Variants in GLI3 observed in about 807,000 individuals in gnomAD.
GLI3 encodes the protein transcription activator GLI3.
A neutral mutation model predicts 100.8 loss-of-function variants in GLI3; 20 were observed. The observed-to-expected ratio is 0.20, with a 90% confidence interval of 0.14 to 0.29. GLI3 has a LOEUF of 0.29. Ranked by LOEUF, GLI3 falls within the 10% of genes least tolerant of loss-of-function variation. The pLI is 1.00. For missense variants in GLI3, 2,040 were observed against 2,128.5 expected, an observed-to-expected ratio of 0.96 and a Z score of 0.82; for synonymous variants, 938 against 860.5, an observed-to-expected ratio of 1.09 and a Z score of -1.58.
rs1156419367 is a variant in GLI3, at chr7:41,962,860, T to G, written c.*1470A>C. ...ACAGAATACAGCAGGTAGCCTGAGG[T>G]GTTAATATTTTAACAGTTTATATAA... On this transcript the variant is annotated 3_prime_UTR_variant, in exon 15 of 15. Coordinates refer to ENST00000395925, the MANE Select transcript of GLI3 (RefSeq NM_000168.6). 3 of 152,200 alleles carry G rather than the reference T, an allele frequency of 2.0e-5. No homozygotes were observed. The highest frequency in any genetic ancestry group is 7.2e-5 in the African/African-American group (3 of 41,438). The allele number at this position is 152,200 out of a possible 1,614,324, so 9.4% of individuals were successfully genotyped here.
At chr7:42,177,812 G>A (rs1248970958) in intron 2 of GLI3, among the ~76,000 whole-genome samples, 4 of 152,186 alleles carry the variant, frequency 2.6e-5, no homozygotes, top group Non-Finnish European at 1.5e-5. Flanking sequence ...CTCCTCGACG[G>A]GCTCGTCCAG....
At chr7:41,974,590 A>T (rs1037292637) in intron 12 of GLI3, among the ~76,000 whole-genome samples, 1 of 152,234 alleles carries the variant, frequency 6.6e-6, no homozygotes, top group Non-Finnish European at 1.5e-5. Context: ...AATGATCTGT[A>T]ATATAAAGTG....
chr7:42,102,682 T>G (rs1785490707), intron 3 of GLI3, among the ~76,000 whole-genome samples: 1 of 152,184 alleles, frequency 6.6e-6, no homozygotes, highest in Non-Finnish European at 1.5e-5. Flanking sequence ...TTAGAACATT[T>G]ATGATTCTAA....
chr7:41,994,986 C>T (rs1252245410), intron 10 of GLI3, among the ~76,000 whole-genome samples: 1 of 152,216 alleles, frequency 6.6e-6, no homozygotes, highest in East Asian at 1.9e-4. Context: ...TTTCAGCACT[C>T]TCTGGGGAAT....
intron 10 of GLI3, among the ~76,000 whole-genome samples, chr7:42,010,463 A>G (rs1788582847): frequency 6.6e-6 from 1 of 152,214 alleles, no homozygotes; most frequent in Non-Finnish European, 1.5e-5. Context: ...CTTCTGGATG[A>G]GTTCATGGGT....
At chr7:42,193,557 TG>T (rs1455058175) in intron 2 of GLI3, among the ~76,000 whole-genome samples, 1 of 152,172 alleles carries the variant, frequency 6.6e-6, no homozygotes, top group African/African-American at 2.4e-5. Context: ...TGTTCTCAGG[TG>T]GGACGTTTTC....
chr7:42,174,995 G>A (rs573274018), intron 2 of GLI3, among the ~76,000 whole-genome samples: 39 of 152,258 alleles, frequency 2.6e-4, no homozygotes, highest in African/African-American at 8.2e-4. Flanking sequence ...TCTATGAAGC[G>A]GTGGGATTGT....
chr7:42,218,972 T>A lies in GLI3; in HGVS notation c.124+4158A>T, dbSNP rs1051798059. On this transcript the variant is annotated intron_variant, in intron 2 of 14. Coordinates refer to ENST00000395925, the MANE Select transcript of GLI3 (RefSeq NM_000168.6). ...AGTATTTGCAAATTGTTGAAAAAAATTTTATAAGAGAATGAGAACATGTAG... is the reference window on the plus strand; with the variant it reads ...AGTATTTGCAAATTGTTGAAAAAAAATTTATAAGAGAATGAGAACATGTAG... Among the ~76,000 whole-genome samples the A allele has an allele frequency of 3.9e-5, 6 of 152,236 alleles. No homozygotes were observed. The East Asian group carries it at 9.6e-4, about 24-fold the overall frequency.
chr7:42,253,245 A>T (rs1014061686), intron 1 of GLI3, among the ~76,000 whole-genome samples: 2 of 152,224 alleles, frequency 1.3e-5, no homozygotes, highest in East Asian at 1.9e-4. Context: ...GTGCACCTGG[A>T]ATATGAACTT....
At chr7:42,122,198 T>C (rs1583576318) in intron 3 of GLI3, among the ~76,000 whole-genome samples, 1 of 148,712 alleles carries the variant, frequency 6.7e-6, no homozygotes, top group Non-Finnish European at 1.5e-5. Context: ...TATTAATATA[T>C]GTCATATATT....
intron 7 of GLI3, among the ~76,000 whole-genome samples, chr7:42,035,284 G>GAGGCC (rs1789407027): frequency 6.6e-6 from 1 of 152,194 alleles, no homozygotes; most frequent in South Asian, 2.1e-4. Flanking sequence ...AGGAGCTATG[G>GAGGCC]AGGCCGAGCT....
chr7:42,223,039 T>A, intron 2 of GLI3, 91 bp downstream of exon 2: 5 of 1,371,548 alleles, frequency 3.6e-6, no homozygotes, highest in Non-Finnish European at 5.1e-6. Context: ...GAACAAACAC[T>A]GGTCCAGGTG....
At chr7:42,057,557 T>C (rs1052313795) in intron 4 of GLI3, among the ~76,000 whole-genome samples, 2 of 152,150 alleles carry the variant, frequency 1.3e-5, no homozygotes, top group South Asian at 4.1e-4. Flanking sequence ...CACTTAAAAA[T>C]TGGAAACAAC....
At chr7:42,146,129 G>A (rs1049078885) in intron 3 of GLI3, among the ~76,000 whole-genome samples, 7 of 152,116 alleles carry the variant, frequency 4.6e-5, no homozygotes, top group African/African-American at 1.4e-4. Context: ...TTTGCCATTT[G>A]GTTACAGAGA....
In GLI3 at chr7:42,040,160, A is replaced by G. The variant is rs1172653586; in HGVS notation, c.906T>C (p.His302=). Residue 302 remains histidine, a synonymous_variant, in exon 7 of 15, where the codon CAT becomes CAC. Coordinates refer to ENST00000395925, the MANE Select transcript of GLI3 (RefSeq NM_000168.6). The part of the protein sequence containing the change: ...RTLSISPLSD[H]SFDLQTMIRT... ...TTATCATGGTCTGAAGGTCAAAGCT[A>G]TGATCGGAGAGTGGTGATATGGACA... The G allele has an allele frequency of 1.2e-6, 2 of 1,613,914 alleles. No individual in the cohort carries two copies. The highest frequency in any genetic ancestry group is 1.7e-6 in the Non-Finnish European group (2 of 1,179,770).
At chr7:42,220,044 G>C (rs2128701537) in intron 2 of GLI3, among the ~76,000 whole-genome samples, 1 of 152,094 alleles carries the variant, frequency 6.6e-6, no homozygotes, top group East Asian at 1.9e-4. Context: ...AGTAGAGACG[G>C]GGTTTCACCG....
intron 10 of GLI3, among the ~76,000 whole-genome samples, chr7:42,013,343 G>A (rs1378880366): frequency 6.6e-6 from 1 of 152,102 alleles, no homozygotes; most frequent in Non-Finnish European, 1.5e-5. Flanking sequence ...TATTTGCCAG[G>A]TGATGCCTGT....
chr7:41,999,229 G>A (rs1352989879), intron 10 of GLI3, among the ~76,000 whole-genome samples: 1 of 152,114 alleles, frequency 6.6e-6, no homozygotes, highest in Non-Finnish European at 1.5e-5. Flanking sequence ...AAAAATGAAA[G>A]TGACCTAGGA....
chr7:42,060,323 G>A (rs144081676), intron 4 of GLI3, among the ~76,000 whole-genome samples: 85 of 152,246 alleles, frequency 5.6e-4, no homozygotes, highest in African/African-American at 2.0e-3. Flanking sequence ...GCTGTTTGTG[G>A]CCGGGTGAGT....
Sources: allele counts gnomAD v4.1 joint callset (sites outside exome capture counted in the v4.1 genomes callset), GRCh38; gene constraint gnomAD v4.1.1; transcripts MANE v1.5; gene names NCBI Gene and HGNC (gene_info 2026-07-23, HGNC 2026-07-21).